The following ABI1 variants were observed in gnomAD, a reference collection of about 807,000 sequenced individuals.
The protein encoded by ABI1 is Abelson interactor 1.
Under a neutral mutation model 54.6 loss-of-function variants are expected in ABI1, and 14 were observed. The ratio of observed to expected loss-of-function variants is 0.26; its 90% CI spans 0.17 to 0.40. The LOEUF (loss-of-function observed/expected upper bound fraction) is 0.40, where lower values mean the gene tolerates loss of function less well. Ranked by LOEUF, ABI1 falls within the 10% of genes least tolerant of loss-of-function variation. The pLI, the probability that ABI1 is intolerant of heterozygous loss-of-function variation, is 1.00. For missense variants in ABI1, 443 were observed against 598.3 expected (o/e 0.74, Z 2.71); for synonymous variants, 194 against 209.3 (o/e 0.93, Z 0.63).
At chr10:26,755,858 T>G (rs1295421303) in intron 8 of ABI1, 117 bp from the exon 9 acceptor site, 2 of 631,246 alleles carry the variant, frequency 3.2e-6, no homozygotes, top group Non-Finnish European at 5.2e-6. Context: ...AAGAACAGTT[T>G]GCAAATGAAA....
intron 10 of ABI1, among the ~76,000 whole-genome samples, chr10:26,751,243 G>A (rs1837585381): frequency 6.6e-6 from 1 of 152,044 alleles, no homozygotes; most frequent in East Asian, 1.9e-4. Flanking sequence ...AGATATGAAA[G>A]GTAATCAATA....
chr10:26,818,631 C>CA (rs376157276), intron 2 of ABI1, among the ~76,000 whole-genome samples: 972 of 73,052 alleles, frequency 0.013, 23 homozygotes, highest in African/African-American at 0.032. Flanking sequence ...GACCCCGTCA[C>CA]AAAAAAAAAA....
chr10:26,830,552 T>G (rs1278787209), intron 1 of ABI1, among the ~76,000 whole-genome samples: 2 of 150,516 alleles, frequency 1.3e-5, no homozygotes, highest in African/African-American at 4.9e-5. Flanking sequence ...CCAGGGAGGT[T>G]GAGGCTGCAA....
rs752764818 is a variant in ABI1 at position 26,848,220 on chromosome 10, AAAG to A, written c.117+12524_117+12526del. Among the ~76,000 whole-genome samples the A allele has an allele frequency of 4.2e-3, 586 of 139,326 alleles. 3 individuals carry two copies. Among genetic ancestry groups the A allele is most frequent in the South Asian group, 1.0e-2 (42 of 4,220 alleles). The allele number at this position is 139,326 out of a possible 152,430, so 91.4% of individuals were successfully genotyped here. On this transcript the variant is annotated intron_variant, in intron 1 of 10. Coordinates refer to ENST00000376140, the MANE Select transcript of ABI1 (RefSeq NM_001012750.3). ...TGTCTCAAAAAAAAAAAAAAAAAAA[AAAG>A]AAGAAGAAGAAGAAGAAGATGTAAA...
At chr10:26,765,041 A>G (rs1467114206) in intron 7 of ABI1, among the ~76,000 whole-genome samples, 177 bp downstream of exon 7, 1 of 137,248 alleles carries the variant, frequency 7.3e-6, no homozygotes, top group Admixed American at 7.6e-5. Context: ...GTGAAATCCT[A>G]AAGACTTTGT....
At chr10:26,791,825 A>G (rs1843508772) in intron 2 of ABI1, among the ~76,000 whole-genome samples, 1 of 152,202 alleles carries the variant, frequency 6.6e-6, no homozygotes. Context: ...CCTACCTCAA[A>G]CCATAGGAAA....
intron 1 of ABI1, among the ~76,000 whole-genome samples, chr10:26,850,385 TGTG>T (rs2050289667): frequency 6.6e-6 from 1 of 151,982 alleles, no homozygotes; most frequent in Admixed American, 6.6e-5. Flanking sequence ...CTCGGCCAGG[TGTG>T]GTGGCTCACG....
chr10:26,831,449 G>A (rs10764646), intron 1 of ABI1, among the ~76,000 whole-genome samples: 38,310 of 151,880 alleles, frequency 0.25, 5,434 homozygotes, highest in South Asian at 0.42. Flanking sequence ...AGGCTGAGGC[G>A]TAAGAATCAC....
At chr10:26,748,769 T>C (rs762630640) in intron 10 of ABI1, 24 bp from the exon 11 acceptor site, 10 of 1,568,276 alleles carry the variant, frequency 6.4e-6, no homozygotes, top group Admixed American at 5.2e-5. Context: ...AGTTGAAATA[T>C]CACATGAGTG....
chr10:26,836,402 T>C (rs1034210340), intron 1 of ABI1, among the ~76,000 whole-genome samples: 2 of 152,180 alleles, frequency 1.3e-5, no homozygotes, highest in Admixed American at 6.5e-5. Context: ...CGTGAGCCAC[T>C]ACGCCTGACC....
intron 2 of ABI1, among the ~76,000 whole-genome samples, chr10:26,809,949 T>A (rs2047123245): frequency 6.6e-6 from 1 of 152,180 alleles, no homozygotes; most frequent in African/African-American, 2.4e-5. Flanking sequence ...CTGATCTGTA[T>A]CCATTAAATA....
At chr10:26,770,415 TA>T (rs1351913679) in intron 4 of ABI1, 70 bp from the exon 5 acceptor site, 4 of 1,354,972 alleles carry the variant, frequency 3.0e-6, no homozygotes, top group African/African-American at 2.9e-5. Flanking sequence ...CACCATGTAT[TA>T]TTTTTTTTAA....
Position 26,759,131 on chromosome 10 carries a change from G to T in ABI1, c.928C>A (p.Pro310Thr), listed in dbSNP as rs1838754065. ...STSSGGYRRT[P>T]SVTAQFSAQP... ...GCAGAAAATTGAGCAGTCACAGAGGGAGTTCGTCTGTATCCACCAGAAGAT... is the reference window on the plus strand; with the variant it reads ...GCAGAAAATTGAGCAGTCACAGAGGTAGTTCGTCTGTATCCACCAGAAGAT... The change falls in exon 8 of 11, where the codon CCC becomes ACC. Residue 310 changes from proline to threonine, a missense_variant. Transcript: ENST00000376140. 6.2e-7 allele frequency: 1 copy of T among 1,613,986 alleles called. No individual in the cohort carries two copies. The highest frequency in any genetic ancestry group is 1.3e-5 in the African/African-American group (1 of 74,922).
chr10:26,795,116 C>T (rs1843974793), intron 2 of ABI1, among the ~76,000 whole-genome samples: 1 of 150,362 alleles, frequency 6.7e-6, no homozygotes, highest in Non-Finnish European at 1.5e-5. Context: ...TGCACTCCAG[C>T]CTGGGCGACA....
At chr10:26,829,061 C>T (rs1245201202) in intron 1 of ABI1, among the ~76,000 whole-genome samples, 1 of 151,766 alleles carries the variant, frequency 6.6e-6, no homozygotes, top group Non-Finnish European at 1.5e-5. Context: ...CCCATCTCTA[C>T]TAAAAATACA....
At chr10:26,779,868 C>T (rs1841885397) in intron 2 of ABI1, among the ~76,000 whole-genome samples, 1 of 152,160 alleles carries the variant, frequency 6.6e-6, no homozygotes, top group Admixed American at 6.5e-5. Context: ...AACCAGTCTA[C>T]AGACTCCTAC....
intron 1 of ABI1, among the ~76,000 whole-genome samples, chr10:26,852,593 A>C (rs1489548108): frequency 6.6e-6 from 1 of 152,214 alleles, no homozygotes; most frequent in Non-Finnish European, 1.5e-5. Flanking sequence ...CTGATGTTTA[A>C]GTGGAGGGCA....
chr10:26,769,126 T>A (rs930404509), intron 5 of ABI1, 134 bp from the exon 6 acceptor site: 7 of 661,036 alleles, frequency 1.1e-5, no homozygotes, highest in African/African-American at 9.4e-5. Context: ...TTTGTAATTT[T>A]AAAAAATATT....
At chr10:26,766,969 G>A (rs1051701975) in intron 6 of ABI1, among the ~76,000 whole-genome samples, 1 of 152,124 alleles carries the variant, frequency 6.6e-6, no homozygotes, top group African/African-American at 2.4e-5. Flanking sequence ...CTGAGTAATT[G>A]CATCAGAAAC....
Sources: gnomAD v4.1 joint callset for allele counts (sites outside exome capture counted in the v4.1 genomes callset) on GRCh38, gnomAD v4.1.1 for gene constraint, MANE v1.5 for transcripts, NCBI Gene and HGNC (gene_info 2026-07-23, HGNC 2026-07-21) for gene names.